OPTC: variants seen among roughly 807,000 people sequenced by gnomAD.
The protein encoded by OPTC is oculoglycan.
A neutral mutation model predicts 25.4 loss-of-function variants in OPTC; 22 were observed. That is an observed-to-expected ratio of 0.87 (90% CI 0.62 to 1.24). OPTC has a LOEUF of 1.24. Ranked by LOEUF, OPTC falls within the 50% of genes most tolerant of loss-of-function variation. The probability of loss-of-function intolerance (pLI) is 0.00; values close to 1 mark genes in which losing one functional copy is unlikely to be tolerated. For missense variants in OPTC, 417 were observed against 425.2 expected (o/e 0.98, Z 0.17); for synonymous variants, 169 against 179.3 (o/e 0.94, Z 0.46).
rs145974285 is a variant in OPTC, at chr1:203,498,820, C to T, written c.510C>T (p.Ala170=). The T allele has an allele frequency of 4.3e-4, 688 of 1,613,984 alleles. 1 individual carries two copies. The highest frequency in any genetic ancestry group is 5.1e-4 in the Non-Finnish European group (602 of 1,180,022). Residue 170 remains alanine, a synonymous_variant, in exon 4 of 8, where the codon GCC becomes GCT. Coordinates refer to ENST00000367222, the MANE Select transcript of OPTC (RefSeq NM_014359.4). Reference sequence around the variant, plus strand: ...TCAACCGCATCAGCCGTATCAGGGCCGAAGACTTCAAAGGGCTGAGTATGT... The same window carrying T: ...TCAACCGCATCAGCCGTATCAGGGCTGAAGACTTCAAAGGGCTGAGTATGT... The part of the protein sequence containing the change: ...ARFNRISRIR[A]EDFKGLTKLK...
In OPTC at chr1:203,499,714, C is replaced by T. The variant is rs773914363; in HGVS notation, c.595C>T (p.Leu199=). Residue 199 remains leucine, a synonymous_variant, in exon 5 of 8, where the codon CTG becomes TTG. Transcript: ENST00000367222. The stretch of plus-strand genomic sequence containing the variant: ...CTCCATCGATAATGATGCCTTCCGC[C>T]TGCTACATGCCCTCCAGGACCTCAT... ...ISSIDNDAFR[L]LHALQDLILP... The T allele has an allele frequency of 1.2e-5, 20 of 1,613,454 alleles. No individual in the cohort carries two copies. The Admixed American group carries it at 3.3e-4, about 27-fold the overall frequency.
At position 203,496,183 on chromosome 1, in the gene OPTC, A is replaced by G; in HGVS notation, c.178A>G (p.Ile60Val). ...VLNPDNYGEV[I>V]DLSNYEELTD... ...GAACCCAGACAACTATGGTGAAGTC[A>G]TTGACCTGAGCAACTATGAGGAGCT... Residue 60 changes from isoleucine to valine, a missense_variant, in exon 2 of 8, where the codon ATT (isoleucine) becomes GTT (valine). By Grantham distance (29) the Ile-to-Val change is conservative (BLOSUM62 3). Transcript: ENST00000367222. 1 of 1,614,174 alleles carries G rather than the reference A, an allele frequency of 6.2e-7. No homozygotes were observed. Among genetic ancestry groups the G allele is most frequent in the South Asian group, 1.1e-5 (1 of 91,084 alleles).
chr1:203,501,143 G>C (rs1661385794), intron 5 of OPTC, among the ~76,000 whole-genome samples: 1 of 152,178 alleles, frequency 6.6e-6, no homozygotes, highest in South Asian at 2.1e-4. Flanking sequence ...CTGTCGCCCA[G>C]GCTGGAATGC....
At chr1:203,495,937 G>A (rs1234719876) in intron 1 of OPTC, 28 bp from the exon 2 acceptor site, 17 of 1,042,610 alleles carry the variant, frequency 1.6e-5, no homozygotes, top group Admixed American at 1.2e-4. Context: ...CCCTCAGATC[G>A]CTGCCCTTCC....
In OPTC at chr1:203,495,891, C is replaced by T; in HGVS notation, c.-41-74C>T. 3 of 739,652 alleles carry T rather than the reference C, an allele frequency of 4.1e-6. No homozygotes were observed. The South Asian group carries it at 4.5e-5, about 11-fold the overall frequency. The allele number at this position is 739,652 out of a possible 1,614,324, so 45.8% of individuals were successfully genotyped here. A position where few individuals can be genotyped will look rare whatever the true frequency, so the allele number is the denominator to read the frequency against. ...TGTGGGGGTGGGAAGTGGAGTAAAT[C>T]TGCGAGCCATTCCCACAACACTCTG... On this transcript the variant is annotated intron_variant, in intron 1 of 7. Coordinates refer to ENST00000367222, the MANE Select transcript of OPTC (RefSeq NM_014359.4).
At chr1:203,496,290 G>T in intron 2 of OPTC, 54 bp downstream of exon 2, 1 of 1,341,936 alleles carries the variant, frequency 7.5e-7, no homozygotes. Context: ...GGAGTCAGAG[G>T]CCAGGGCCCT....
chr1:203,497,474 G>A (rs1198539746), intron 3 of OPTC, among the ~76,000 whole-genome samples: 2 of 152,206 alleles, frequency 1.3e-5, no homozygotes, highest in Non-Finnish European at 2.9e-5. Context: ...CTGTAGAGAA[G>A]AATAACTAAC....
intron 4 of OPTC, 76 bp from the exon 5 acceptor site, chr1:203,499,573 G>A: frequency 8.0e-7 from 1 of 1,244,016 alleles, no homozygotes; most frequent in Non-Finnish European, 1.2e-6. Context: ...AGCAAGGTGT[G>A]GAGACAGCTC....
rs753357505 is a variant in OPTC, at chr1:203,503,705, C to T, written c.984C>T (p.Ile328=). The change falls in exon 7 of 8, where the codon ATC becomes ATT. Residue 328 remains isoleucine, a synonymous_variant. Transcript: ENST00000367222. ...ACTTCTGCCTGCCTCGGCTCCCCAT[C>T]GGCCGCTTCACGTAGCTCGGAGCCC... ...SAYFCLPRLP[I]GRFT is the part of the protein sequence containing the mutation. 42 of 1,608,084 alleles carry T rather than the reference C, an allele frequency of 2.6e-5. No individual in the cohort carries two copies. Among genetic ancestry groups the T allele is most frequent in the Non-Finnish European group, 3.2e-5 (38 of 1,180,010 alleles).
chr1:203,502,316 C>T (rs753174817), intron 5 of OPTC, among the ~76,000 whole-genome samples: 5 of 152,198 alleles, frequency 3.3e-5, no homozygotes, highest in East Asian at 3.9e-4. Context: ...GGCTGTCTCC[C>T]GAGTGTCTGC....
At position 203,499,646 on chromosome 1, in the gene OPTC, C is replaced by T; in HGVS notation, c.530-3C>T. 1 of 1,613,032 alleles carries T rather than the reference C, an allele frequency of 6.2e-7. No homozygotes were observed. Among genetic ancestry groups the T allele is most frequent in the South Asian group, 1.1e-5 (1 of 91,062 alleles). On this transcript the variant is annotated splice_region_variant and splice_polypyrimidine_tract_variant and intron_variant, in intron 4 of 7. Coordinates refer to ENST00000367222, the MANE Select transcript of OPTC (RefSeq NM_014359.4). ...CTCTTTGTTCTCCCCTAACCTCTCTCAGCAAAGTTGAAGAGGATTGACCTC... is the reference window on the plus strand; with the variant it reads ...CTCTTTGTTCTCCCCTAACCTCTCTTAGCAAAGTTGAAGAGGATTGACCTC...
chr1:203,507,227 G>A (rs1661508625), intron 7 of OPTC, among the ~76,000 whole-genome samples: 1 of 152,192 alleles, frequency 6.6e-6, no homozygotes, highest in African/African-American at 2.4e-5. Context: ...GGCAGGGAAG[G>A]CAGAGAGCAC....
At chr1:203,500,323 A>G (rs528119305) in intron 5 of OPTC, among the ~76,000 whole-genome samples, 2 of 61,562 alleles carry the variant, frequency 3.2e-5, no homozygotes, top group Non-Finnish European at 6.1e-5. Context: ...CTCCACCTCT[A>G]CCACCCACCT....
chr1:203,498,991 A>C, intron 4 of OPTC, 152 bp downstream of exon 4: 1 of 792,596 alleles, frequency 1.3e-6, no homozygotes, highest in Admixed American at 2.1e-5. Flanking sequence ...AATAGCCCGA[A>C]GTCTCTAGAA....
rs1661416107 is a variant in OPTC at position 203,503,019 on chromosome 1, AC to A, written c.828+12del. ...CTCTGTACACCTGCAGGTAAGGAGCACCACCCAGAGCAAGGGTGATAAACAG... is the reference window on the plus strand; with the variant it reads ...CTCTGTACACCTGCAGGTAAGGAGCACACCCAGAGCAAGGGTGATAAACAG... On this transcript the variant is annotated intron_variant, in intron 6 of 7. Transcript: ENST00000367222. 6.2e-7 allele frequency: 1 copy of A among 1,605,070 alleles called. No homozygotes were observed. Among genetic ancestry groups the A allele is most frequent in the African/African-American group, 1.3e-5 (1 of 74,820 alleles).
At chr1:203,501,561 A>C (rs1330603029) in intron 5 of OPTC, among the ~76,000 whole-genome samples, 1 of 152,174 alleles carries the variant, frequency 6.6e-6, no homozygotes, top group Non-Finnish European at 1.5e-5. Context: ...TCTGTCTCTC[A>C]AGTAGTAGAA....
intron 6 of OPTC, among the ~76,000 whole-genome samples, chr1:203,503,231 C>T (rs550003993): frequency 5.9e-5 from 9 of 152,292 alleles, no homozygotes; most frequent in Non-Finnish European, 1.2e-4. Context: ...CACTTTCTCT[C>T]CCTCCACCAT....
chr1:203,503,096 A>G (rs920846039), intron 6 of OPTC, 87 bp downstream of exon 6: 20 of 1,049,050 alleles, frequency 1.9e-5, no homozygotes, highest in Non-Finnish European at 2.8e-5. Flanking sequence ...AGAGAGAGGC[A>G]TGAGGCTTAG....
Position 203,498,703 on chromosome 1 carries a change from C to A in OPTC, c.393C>A (p.Cys131Ter), listed in dbSNP as rs768298257. The stretch of plus-strand genomic sequence containing the variant: ...CAGGTCTGCCCACCTGCCTGGTCTG[C>A]GTGTGCCTCGGTTCCTCTGTGTATT... Reference protein sequence around the residue: ...PNHGLPTCLVCVCLGSSVYCD... With the variant: ...PNHGLPTCLV The change falls in exon 4 of 8, where the codon TGC (cysteine) becomes TGA (stop). Residue 131 changes from cysteine to a stop codon, truncating the protein, a stop_gained. Coordinates refer to ENST00000367222, the MANE Select transcript of OPTC (RefSeq NM_014359.4). LOFTEE classifies it high-confidence loss of function. 2.5e-6 allele frequency: 4 copies of A among 1,614,214 alleles called. No individual in the cohort carries two copies. Among genetic ancestry groups the A allele is most frequent in the Non-Finnish European group, 3.4e-6 (4 of 1,180,044 alleles).
Sources: gnomAD v4.1 joint callset for allele counts (sites outside exome capture counted in the v4.1 genomes callset) on GRCh38, gnomAD v4.1.1 for gene constraint, MANE v1.5 for transcripts, NCBI Gene and HGNC (gene_info 2026-07-23, HGNC 2026-07-21) for gene names.